The following MSRB3 variants were observed in gnomAD, a reference collection of about 807,000 sequenced individuals.
MSRB3 encodes methionine-R-sulfoxide reductase B3.
In MSRB3, 13 loss-of-function variants were observed where a neutral mutation model predicts 21.0. The ratio of observed to expected loss-of-function variants is 0.62; its 90% confidence interval spans 0.40 to 0.98. The LOEUF (loss-of-function observed/expected upper bound fraction) is 0.98, where lower values mean the gene tolerates loss of function less well. Ranked by LOEUF, MSRB3 falls within the 50% of genes least tolerant of loss-of-function variation. MSRB3 has a pLI of 0.00. For missense variants in MSRB3, 199 were observed against 230.3 expected, an observed-to-expected ratio of 0.86 and a Z score of 0.88; for synonymous variants, 87 against 88.6, an observed-to-expected ratio of 0.98 and a Z score of 0.10.
intron 2 of MSRB3, among the ~76,000 whole-genome samples, chr12:65,311,137 G>A (rs1873960729): frequency 6.6e-6 from 1 of 152,032 alleles, no homozygotes; most frequent in African/African-American, 2.4e-5. Context: ...TACACTTTAT[G>A]TTTGAGGAAT....
intron 4 of MSRB3, among the ~76,000 whole-genome samples, chr12:65,337,277 A>T: frequency 6.6e-6 from 1 of 151,464 alleles, no homozygotes; most frequent in East Asian, 1.9e-4. Flanking sequence ...ACAAAAAAAA[A>T]CCAAAAATCA....
intron 4 of MSRB3, among the ~76,000 whole-genome samples, chr12:65,363,367 G>T (rs1404049749): frequency 6.6e-6 from 1 of 152,096 alleles, no homozygotes. Context: ...TCTCTGCAAG[G>T]ATAAAATGGT....
At chr12:65,449,185 C>G (rs1381290854) in intron 5 of MSRB3, among the ~76,000 whole-genome samples, 1 of 145,548 alleles carries the variant, frequency 6.9e-6, no homozygotes, top group African/African-American at 2.6e-5. Flanking sequence ...GCCCCCACCA[C>G]GCCTGGCTAA....
At chr12:65,453,541 TA>T (rs1420892360) in intron 5 of MSRB3, among the ~76,000 whole-genome samples, 186 bp from the exon 6 acceptor site, 1 of 152,220 alleles carries the variant, frequency 6.6e-6, no homozygotes, top group Non-Finnish European at 1.5e-5. Context: ...AGGAAAGGGT[TA>T]AAAAATAACT....
chr12:65,329,199 C>T (rs1027627811), intron 4 of MSRB3, among the ~76,000 whole-genome samples: 8 of 152,142 alleles, frequency 5.3e-5, no homozygotes, highest in Non-Finnish European at 8.8e-5. Context: ...TAAAATAGTT[C>T]ATTCAGATAG....
intron 5 of MSRB3, among the ~76,000 whole-genome samples, chr12:65,397,490 GT>G (rs1157279427): frequency 2.0e-5 from 3 of 151,458 alleles, no homozygotes; most frequent in African/African-American, 7.3e-5. Flanking sequence ...TTTTTCTTTT[GT>G]TTTCCATTAT....
intron 5 of MSRB3, among the ~76,000 whole-genome samples, chr12:65,421,458 T>C (rs1881290333): frequency 6.6e-6 from 1 of 152,228 alleles, no homozygotes. Context: ...GCAGAAGCTC[T>C]TAAGTTTAAT....
intron 2 of MSRB3, chr12:65,315,992 C>G (rs1874272877): frequency 6.6e-6 from 1 of 152,038 alleles, no homozygotes; most frequent in Non-Finnish European, 1.5e-5. Context: ...ATATTATATT[C>G]CACTTGATTA....
chr12:65,381,952 G>T (rs1421740758), intron 5 of MSRB3, among the ~76,000 whole-genome samples: 1 of 151,940 alleles, frequency 6.6e-6, no homozygotes, highest in Admixed American at 6.6e-5. Context: ...TATTTAAGAT[G>T]TATAATTGAC....
intron 5 of MSRB3, among the ~76,000 whole-genome samples, chr12:65,443,545 T>C (rs1056696694): frequency 1.3e-5 from 2 of 152,184 alleles, no homozygotes; most frequent in African/African-American, 4.8e-5. Context: ...TTTTTGTGTG[T>C]GCGTGCTTAA....
chr12:65,350,408 G>A (rs1297043043), intron 4 of MSRB3, among the ~76,000 whole-genome samples: 5 of 151,290 alleles, frequency 3.3e-5, no homozygotes, highest in Non-Finnish European at 5.9e-5. Flanking sequence ...ATCAACTAAC[G>A]AGCAAAATCA....
At chr12:65,337,396 C>T (rs887672225) in intron 4 of MSRB3, among the ~76,000 whole-genome samples, 2 of 146,168 alleles carry the variant, frequency 1.4e-5, no homozygotes, top group Non-Finnish European at 3.0e-5. Context: ...ATCACACCAC[C>T]GTACTCCAGC....
intron 4 of MSRB3, among the ~76,000 whole-genome samples, chr12:65,341,597 T>C (rs1205863810): frequency 2.6e-5 from 4 of 151,558 alleles, no homozygotes; most frequent in Non-Finnish European, 5.9e-5. Flanking sequence ...AAAGGATAAA[T>C]GCTTGCAGTA....
At chr12:65,299,886 C>G (rs1873205961) in intron 1 of MSRB3, among the ~76,000 whole-genome samples, 1 of 152,172 alleles carries the variant, frequency 6.6e-6, no homozygotes, top group African/African-American at 2.4e-5. Context: ...TAGGTTGTCT[C>G]TAAAAGCTTA....
intron 5 of MSRB3, among the ~76,000 whole-genome samples, chr12:65,452,124 G>A (rs1228613612): frequency 1.3e-5 from 2 of 152,134 alleles, no homozygotes; most frequent in Admixed American, 6.5e-5. Context: ...TGGTGCTGGG[G>A]TAAGGTAGCT....
chr12:65,449,520 C>T (rs1281733396), intron 5 of MSRB3, among the ~76,000 whole-genome samples: 1 of 152,132 alleles, frequency 6.6e-6, no homozygotes, highest in Non-Finnish European at 1.5e-5. Flanking sequence ...CAAATAAAGA[C>T]CTGTACCTCC....
intron 5 of MSRB3, among the ~76,000 whole-genome samples, chr12:65,393,716 G>A (rs923531279): frequency 6.6e-6 from 1 of 150,912 alleles, no homozygotes; most frequent in Admixed American, 6.6e-5. Context: ...ATATATGTGT[G>A]TGTGTATTTA....
At chr12:65,414,801 G>A (rs1164752684) in intron 5 of MSRB3, among the ~76,000 whole-genome samples, 2 of 152,160 alleles carry the variant, frequency 1.3e-5, no homozygotes, top group East Asian at 3.8e-4. Flanking sequence ...CCAGAAATAT[G>A]AAATTGCAGC....
chr12:65,314,951 A>AT (rs1314810620), intron 2 of MSRB3, among the ~76,000 whole-genome samples: 1 of 152,212 alleles, frequency 6.6e-6, no homozygotes, highest in Non-Finnish European at 1.5e-5. Context: ...TATGTGACAG[A>AT]TTGTAGAAGG....
Sources: allele counts gnomAD v4.1 joint callset (sites outside exome capture counted in the v4.1 genomes callset), GRCh38; gene constraint gnomAD v4.1.1; transcripts MANE v1.5; gene names NCBI Gene and HGNC (gene_info 2026-07-23, HGNC 2026-07-21).